STK32A: variants seen among roughly 807,000 people sequenced by gnomAD.
STK32A encodes serine/threonine-protein kinase 32A.
A neutral mutation model predicts 53.2 loss-of-function variants in STK32A; 41 were observed. That is an observed-to-expected ratio of 0.77 (90% CI 0.60 to 1.00). STK32A has a LOEUF of 1.00. Ranked by LOEUF, STK32A falls within the 50% of genes least tolerant of loss-of-function variation. STK32A has a pLI of 0.00. For missense variants in STK32A, 458 were observed against 485.8 expected (o/e 0.94, Z 0.54); for synonymous variants, 166 against 162.8 (o/e 1.02, Z -0.15).
At chr5:147,236,405 C>T (rs1417839883) in intron 1 of STK32A, among the ~76,000 whole-genome samples, 2 of 152,054 alleles carry the variant, frequency 1.3e-5, no homozygotes, top group Non-Finnish European at 2.9e-5. Flanking sequence ...GACCTAGTGC[C>T]TGGAGATCAG....
intron 11 of STK32A, among the ~76,000 whole-genome samples, chr5:147,376,456 C>G (rs1158426554): frequency 5.3e-5 from 8 of 152,182 alleles, no homozygotes. Flanking sequence ...ATACAGGCCT[C>G]TCTGATAACA....
At chr5:147,304,357 G>C (rs1235093101) in intron 4 of STK32A, among the ~76,000 whole-genome samples, 2 of 152,198 alleles carry the variant, frequency 1.3e-5, no homozygotes, top group East Asian at 1.9e-4. Flanking sequence ...GATTGGAGGA[G>C]GAGCAGATTC....
chr5:147,334,761 A>G (rs1336802327), intron 5 of STK32A, among the ~76,000 whole-genome samples: 1 of 152,178 alleles, frequency 6.6e-6, no homozygotes, highest in Non-Finnish European at 1.5e-5. Context: ...TCCTCAGCTT[A>G]TCAGTTTCTC....
chr5:147,363,958 A>G (rs1050138867), intron 8 of STK32A, among the ~76,000 whole-genome samples: 5 of 152,134 alleles, frequency 3.3e-5, no homozygotes, highest in Admixed American at 6.6e-5. Flanking sequence ...GCTCATGCCT[A>G]TAATCCCAGC....
chr5:147,258,915 C>CT (rs774554908), intron 2 of STK32A, among the ~76,000 whole-genome samples: 23 of 150,750 alleles, frequency 1.5e-4, no homozygotes, highest in Admixed American at 5.3e-4. Context: ...GTATAGATGG[C>CT]TTTTTTTTAT....
intron 4 of STK32A, among the ~76,000 whole-genome samples, chr5:147,287,465 C>T (rs1216563455): frequency 3.3e-5 from 5 of 152,148 alleles, no homozygotes; most frequent in African/African-American, 9.7e-5. Context: ...CTGGAGAAAT[C>T]AGTACATAAA....
chr5:147,274,803 A>G (rs1006324217), intron 2 of STK32A, among the ~76,000 whole-genome samples: 1 of 152,154 alleles, frequency 6.6e-6, no homozygotes, highest in Non-Finnish European at 1.5e-5. Flanking sequence ...ATAGACGTAA[A>G]TTTCCAAGAT....
chr5:147,304,027 G>A (rs1355340649), intron 4 of STK32A, among the ~76,000 whole-genome samples: 1 of 152,198 alleles, frequency 6.6e-6, no homozygotes, highest in Non-Finnish European at 1.5e-5. Flanking sequence ...GAAACTCACT[G>A]GATGGATATG....
At chr5:147,337,167 C>T (rs1181907870) in intron 5 of STK32A, among the ~76,000 whole-genome samples, 4 of 152,132 alleles carry the variant, frequency 2.6e-5, no homozygotes, top group Non-Finnish European at 5.9e-5. Context: ...TTCCACTCTG[C>T]TATTTATAGT....
intron 2 of STK32A, among the ~76,000 whole-genome samples, chr5:147,271,127 G>A (rs540265542): frequency 3.3e-5 from 5 of 152,056 alleles, no homozygotes; most frequent in African/African-American, 1.2e-4. Flanking sequence ...GACCCCAAAC[G>A]GAGGGACTGG....
chr5:147,281,339 C>A (rs577215106), intron 4 of STK32A, among the ~76,000 whole-genome samples: 108 of 152,134 alleles, frequency 7.1e-4, no homozygotes, highest in South Asian at 3.7e-3. Flanking sequence ...AAGCTCAGTG[C>A]AAGGGAATCC....
chr5:147,347,391 A>G (rs1211535958), intron 6 of STK32A, among the ~76,000 whole-genome samples: 2 of 151,948 alleles, frequency 1.3e-5, no homozygotes, highest in Non-Finnish European at 2.9e-5. Flanking sequence ...TGCACCTGAA[A>G]AACTTTTCAC....
intron 8 of STK32A, among the ~76,000 whole-genome samples, chr5:147,365,790 G>A (rs913326479): frequency 1.3e-5 from 2 of 152,018 alleles, no homozygotes; most frequent in Admixed American, 6.6e-5. Flanking sequence ...ACAGACAAAC[G>A]ACTATCTGTT....
At chr5:147,339,588 A>T (rs1755303665) in intron 5 of STK32A, among the ~76,000 whole-genome samples, 1 of 152,262 alleles carries the variant, frequency 6.6e-6, no homozygotes, top group East Asian at 1.9e-4. Flanking sequence ...TGCCTGGAAA[A>T]GCTGCAGACA....
At chr5:147,363,377 G>A (rs1269413801) in intron 8 of STK32A, among the ~76,000 whole-genome samples, 1 of 152,106 alleles carries the variant, frequency 6.6e-6, no homozygotes, top group Non-Finnish European at 1.5e-5. Flanking sequence ...GAGGGGACTT[G>A]CTTAAGTGGC....
intron 2 of STK32A, among the ~76,000 whole-genome samples, chr5:147,242,273 G>C (rs1416313655): frequency 6.6e-6 from 1 of 152,180 alleles, no homozygotes; most frequent in Admixed American, 6.5e-5. Flanking sequence ...CAGTTGCAAG[G>C]CAAAGGAAGT....
chr5:147,280,594 T>TCCTA lies in STK32A; in HGVS notation c.260+1196_260+1197insCCTA, dbSNP rs1752017534. On this transcript the variant is annotated intron_variant, in intron 4 of 12. Transcript: ENST00000397936. ...TCCTAGGTACACAACTCCAGTGACCTGGGAATCCCACCCCCATTCCCCACA... is the reference window on the plus strand; with the variant it reads ...TCCTAGGTACACAACTCCAGTGACCTCCTAGGGAATCCCACCCCCATTCCCCACA... 2.0e-5 allele frequency among the ~76,000 whole-genome samples: 3 copies of TCCTA among 151,744 alleles called. No homozygotes were observed. The South Asian group carries it at 6.3e-4, about 32-fold the overall frequency.
intron 2 of STK32A, among the ~76,000 whole-genome samples, chr5:147,257,442 T>C (rs1234720078): frequency 6.6e-6 from 1 of 152,110 alleles, no homozygotes; most frequent in Admixed American, 6.6e-5. Flanking sequence ...TTAAGTGCAA[T>C]AGTTTGAGGC....
the STK32A span, chr5:147,397,918 C>A: frequency 7.2e-7 from 1 of 1,395,050 alleles, no homozygotes; most frequent in Non-Finnish European, 9.5e-7. Flanking sequence ...TCCTTGAGAC[C>A]TTCAGTGTCA....
Sources: allele counts gnomAD v4.1 joint callset (sites outside exome capture counted in the v4.1 genomes callset), GRCh38; gene constraint gnomAD v4.1.1; transcripts MANE v1.5; gene names NCBI Gene and HGNC (gene_info 2026-07-23, HGNC 2026-07-21).